ASTN1: variants seen among roughly 807,000 people sequenced by gnomAD.
ASTN1 encodes the protein astrotactin-1.
In ASTN1, 41 loss-of-function variants were observed where a neutral mutation model predicts 140.7. The ratio of observed to expected loss-of-function variants is 0.29; its 90% confidence interval spans 0.23 to 0.38. The LOEUF is 0.38. Among genes scored for constraint, ASTN1 ranks in the 10% least tolerant of loss-of-function variants. The pLI is 1.00. For missense variants in ASTN1, 1,479 were observed against 1,678.8 expected, an observed-to-expected ratio of 0.88 and a Z score of 2.08; for synonymous variants, 640 against 652.2, an observed-to-expected ratio of 0.98 and a Z score of 0.29.
Position 177,089,115 on chromosome 1 carries a change from T to C in ASTN1, c.284-27850A>G, listed in dbSNP as rs1679617840. ...GATTTTTCTTGGCTATATAACTAGC[T>C]ACAGCCAGTTATTTGCCTCAAAAGC... On this transcript the variant is annotated intron_variant, in intron 1 of 22. Coordinates refer to ENST00000361833, the MANE Select transcript of ASTN1 (RefSeq NM_004319.3). 2.0e-5 allele frequency among the ~76,000 whole-genome samples: 3 copies of C among 152,132 alleles called. No homozygotes were observed. In the South Asian group the frequency reaches 6.2e-4, roughly 31 times the overall value.
At chr1:177,026,946 A>G (rs1420351952) in intron 5 of ASTN1, among the ~76,000 whole-genome samples, 1 of 152,150 alleles carries the variant, frequency 6.6e-6, no homozygotes, top group African/African-American at 2.4e-5. Flanking sequence ...CTCTTTTGTC[A>G]GGTCCAAGGC....
chr1:176,998,904 G>C (rs563778694), intron 8 of ASTN1, among the ~76,000 whole-genome samples: 3 of 152,266 alleles, frequency 2.0e-5, no homozygotes, highest in South Asian at 4.1e-4. Flanking sequence ...GTAACCTTTG[G>C]GCAAGGTACC....
chr1:176,896,177 T>C (rs1274354449), intron 16 of ASTN1, among the ~76,000 whole-genome samples: 1 of 152,178 alleles, frequency 6.6e-6, no homozygotes, highest in African/African-American at 2.4e-5. Context: ...TTCAGCATTG[T>C]TGTTTCCCAG....
chr1:177,110,893 A>G (rs1680795921), intron 1 of ASTN1, among the ~76,000 whole-genome samples: 1 of 152,216 alleles, frequency 6.6e-6, no homozygotes, highest in South Asian at 2.1e-4. Flanking sequence ...CCAGGAAATA[A>G]ACCAGTATCT....
rs146444597 is a variant in ASTN1 at position 177,056,562 on chromosome 1, CAT to C, written c.471+4514_471+4515del. 2.3e-3 allele frequency among the ~76,000 whole-genome samples: 308 copies of C among 136,070 alleles called. 1 individual carries two copies. Among genetic ancestry groups the C allele is most frequent in the Middle Eastern group, 0.019 (5 of 264 alleles). 89.3% of individuals were successfully genotyped at this position (136,070 alleles called of 152,430 possible). ...GGGAGTTATCAATACAGAAAAATTT[CAT>C]ATATATATATATATATATATATACA... On this transcript the variant is annotated intron_variant, in intron 2 of 22. Coordinates refer to ENST00000361833, the MANE Select transcript of ASTN1 (RefSeq NM_004319.3).
At chr1:176,893,026 G>T (rs1669333149) in intron 17 of ASTN1, among the ~76,000 whole-genome samples, 1 of 152,154 alleles carries the variant, frequency 6.6e-6, no homozygotes, top group South Asian at 2.1e-4. Flanking sequence ...AAGGGGCTGG[G>T]GTAGGGCCAA....
chr1:177,073,633 G>C (rs1428985833), intron 1 of ASTN1, among the ~76,000 whole-genome samples: 1 of 148,424 alleles, frequency 6.7e-6, no homozygotes, highest in Non-Finnish European at 1.5e-5. Flanking sequence ...ACTTCCTACT[G>C]ATTATTACAC....
intron 11 of ASTN1, among the ~76,000 whole-genome samples, chr1:176,951,285 T>C (rs954915936): frequency 7.2e-5 from 11 of 152,184 alleles, no homozygotes; most frequent in African/African-American, 2.4e-4. Context: ...CTAATCATAT[T>C]CCTTGGCCAC....
At chr1:177,061,320 C>T in intron 1 of ASTN1, 55 bp from the exon 2 acceptor site, 1 of 1,407,598 alleles carries the variant, frequency 7.1e-7, no homozygotes, top group African/African-American at 1.5e-5. Context: ...CCAAGTTTTT[C>T]ATCTTCTTCC....
At position 177,057,296 on chromosome 1, in the gene ASTN1, C is replaced by G. The variant is rs16850705; in HGVS notation, c.471+3782G>C. 9.4e-3 allele frequency among the ~76,000 whole-genome samples: 1,428 copies of G among 152,240 alleles called. 24 individuals are homozygous for G. The highest frequency in any genetic ancestry group is 0.033 in the African/African-American group (1,371 of 41,540). ...GCAAGCCCACAATTTTGCTGATGGT[C>G]GATTTATACTGGGCATGGTATAAAA... On this transcript the variant is annotated intron_variant, in intron 2 of 22. Transcript: ENST00000361833.
chr1:176,896,886 G>C lies in ASTN1; in HGVS notation c.2672-2056C>G, dbSNP rs1374107234. 2.0e-5 allele frequency among the ~76,000 whole-genome samples: 3 copies of C among 152,170 alleles called. 1 individual carries two copies. Among genetic ancestry groups the C allele is most frequent in the African/African-American group, 7.2e-5 (3 of 41,432 alleles). On this transcript the variant is annotated intron_variant, in intron 16 of 22. Coordinates refer to ENST00000361833, the MANE Select transcript of ASTN1 (RefSeq NM_004319.3). Reference sequence around the variant, plus strand: ...TGTGTCCATCATTCCCCAAAGCCCAGTGGTCTCTCTGAAGCTGTTTCATGC... The same window carrying C: ...TGTGTCCATCATTCCCCAAAGCCCACTGGTCTCTCTGAAGCTGTTTCATGC...
intron 21 of ASTN1, among the ~76,000 whole-genome samples, chr1:176,871,014 A>AACTATG (rs1668319635): frequency 6.6e-6 from 1 of 152,192 alleles, no homozygotes; most frequent in Non-Finnish European, 1.5e-5. Context: ...CAAAACTGAA[A>AACTATG]ACTATGACTA....
In ASTN1 at chr1:176,934,301, G is replaced by C. The variant is rs140709411; in HGVS notation, c.2522C>G (p.Ser841Cys). Residue 841 changes from serine to cysteine, a missense_variant, in exon 16 of 23, where the codon TCT becomes TGT. Ser to Cys is a moderately radical substitution (Grantham distance 112). This residue lies in a region of ASTN1 where 746 missense variants were observed against 800.9 expected (regional missense o/e 0.93). Coordinates refer to ENST00000361833, the MANE Select transcript of ASTN1 (RefSeq NM_004319.3). ...NALHSLDGAT[S>C]RADFVALLDQ... ...CAACAGCGCCACAAAATCTGCACGA[G>C]ATGTAGCCCCATCCAGCGAGTGGAG... The C allele has an allele frequency of 5.6e-6, 9 of 1,613,776 alleles. No homozygotes were observed. The highest frequency in any genetic ancestry group is 7.6e-6 in the Non-Finnish European group (9 of 1,179,828).
At position 177,132,547 on chromosome 1, in the gene ASTN1, A is replaced by G. The variant is rs146905323; in HGVS notation, c.283+31847T>C. Among the ~76,000 whole-genome samples the G allele has an allele frequency of 8.2e-3, 1,250 of 152,336 alleles. 13 individuals carry two copies. Among genetic ancestry groups the G allele is most frequent in the Non-Finnish European group, 0.011 (764 of 68,030 alleles). On this transcript the variant is annotated intron_variant, in intron 1 of 22. Coordinates refer to ENST00000361833, the MANE Select transcript of ASTN1 (RefSeq NM_004319.3). Reference sequence around the variant, plus strand: ...ACCAGCAGCAGGGTCTCCTTTCTGCATTAGATAATCATGTCAATGGAACAT... The same window carrying G: ...ACCAGCAGCAGGGTCTCCTTTCTGCGTTAGATAATCATGTCAATGGAACAT...
intron 1 of ASTN1, among the ~76,000 whole-genome samples, chr1:177,104,783 C>G (rs1434738894): frequency 6.6e-6 from 1 of 152,164 alleles, no homozygotes; most frequent in Non-Finnish European, 1.5e-5. Context: ...CTGCCAGTGA[C>G]CTTGGGGTCT....
intron 1 of ASTN1, among the ~76,000 whole-genome samples, chr1:177,068,177 A>G (rs1178116860): frequency 2.6e-5 from 4 of 152,212 alleles, no homozygotes; most frequent in African/African-American, 9.6e-5. Context: ...AGGAGTTCTC[A>G]TTGTGATTCC....
intron 1 of ASTN1, among the ~76,000 whole-genome samples, chr1:177,153,700 C>T (rs1683134442): frequency 6.6e-6 from 1 of 152,042 alleles, no homozygotes; most frequent in South Asian, 2.1e-4. Flanking sequence ...TACATAAAAT[C>T]CAAAGACTTC....
intron 1 of ASTN1, among the ~76,000 whole-genome samples, chr1:177,100,506 T>G (rs951301845): frequency 7.2e-5 from 11 of 152,066 alleles, no homozygotes; most frequent in African/African-American, 2.7e-4. Context: ...TAAAGTGGGT[T>G]TTTACTGTAC....
intron 1 of ASTN1, among the ~76,000 whole-genome samples, chr1:177,104,590 A>C (rs1680459366): frequency 6.6e-6 from 1 of 152,196 alleles, no homozygotes; most frequent in Non-Finnish European, 1.5e-5. Context: ...AGCATCAATA[A>C]ATAATTTCAA....
Sources: allele counts gnomAD v4.1 joint callset (sites outside exome capture counted in the v4.1 genomes callset), GRCh38; gene constraint gnomAD v4.1.1; regional missense constraint gnomAD v4.1.1; transcripts MANE v1.5; gene names NCBI Gene and HGNC (gene_info 2026-07-23, HGNC 2026-07-21).